The following ZNF827 variants were observed in gnomAD, a reference collection of about 807,000 sequenced individuals.
ZNF827 encodes zinc finger protein 827.
In ZNF827, 13 loss-of-function variants were observed where a neutral mutation model predicts 102.4. The observed-to-expected ratio is 0.13, with a 90% CI of 0.08 to 0.20. The LOEUF is 0.20. Among genes scored for constraint, ZNF827 ranks in the 10% least tolerant of loss-of-function variants. The probability of loss-of-function intolerance (pLI) is 1.00; values close to 1 mark genes in which losing one functional copy is unlikely to be tolerated. For missense variants in ZNF827, 1,103 were observed against 1,344.4 expected (o/e 0.82, Z 2.81); for synonymous variants, 523 against 536.2 (o/e 0.98, Z 0.34).
At chr4:145,878,833 G>A (rs141803604) in intron 4 of ZNF827, among the ~76,000 whole-genome samples, 2 of 151,940 alleles carry the variant, frequency 1.3e-5, no homozygotes, top group Admixed American at 6.6e-5. Context: ...GATGCAAGAG[G>A]TACTGGAAGA....
chr4:145,785,224 A>G (rs1171434979), intron 8 of ZNF827, among the ~76,000 whole-genome samples: 1 of 152,216 alleles, frequency 6.6e-6, no homozygotes, highest in Non-Finnish European at 1.5e-5. Flanking sequence ...ACTGAGGCCT[A>G]TCATCCATAA....
intron 4 of ZNF827, among the ~76,000 whole-genome samples, chr4:145,873,001 T>C (rs1387272138): frequency 7.0e-6 from 1 of 142,982 alleles, no homozygotes; most frequent in Non-Finnish European, 1.5e-5. Context: ...AGTGGCACAA[T>C]CTCGGCTCAC....
At chr4:145,849,719 T>C (rs1158734544) in intron 5 of ZNF827, among the ~76,000 whole-genome samples, 158 bp from the exon 6 acceptor site, 1 of 152,190 alleles carries the variant, frequency 6.6e-6, no homozygotes, top group African/African-American at 2.4e-5. Flanking sequence ...AACCATTGGC[T>C]CAATCATCTA....
intron 11 of ZNF827, among the ~76,000 whole-genome samples, chr4:145,767,405 TA>T (rs1735470377): frequency 6.6e-6 from 1 of 152,128 alleles, no homozygotes; most frequent in South Asian, 2.1e-4. Flanking sequence ...TTGGGAAGCT[TA>T]AAATAAGTTT....
chr4:145,829,360 T>A (rs999786272), intron 7 of ZNF827, among the ~76,000 whole-genome samples: 1 of 152,182 alleles, frequency 6.6e-6, no homozygotes, highest in South Asian at 2.1e-4. Context: ...CTGACTTCTA[T>A]CTGCACAGAG....
chr4:145,884,256 G>C (rs1749919536), intron 4 of ZNF827, among the ~76,000 whole-genome samples: 1 of 152,002 alleles, frequency 6.6e-6, no homozygotes, highest in Non-Finnish European at 1.5e-5. Context: ...CTTCCAACTA[G>C]TGTCTCCCAC....
At position 145,765,371 on chromosome 4, in the gene ZNF827, C is replaced by A. The variant is rs1388211000; in HGVS notation, c.3052+176G>T. Among the ~76,000 whole-genome samples the A allele has an allele frequency of 2.0e-5, 3 of 152,284 alleles. No individual in the cohort carries two copies. Among genetic ancestry groups the A allele is most frequent in the Middle Eastern group, 6.8e-3 (2 of 294 alleles). On this transcript the variant is annotated intron_variant, in intron 12 of 14. Transcript: ENST00000508784. This position sits in a 1 kb window ranked among gnomAD's most constrained non-coding sequence, Gnocchi z 4.7. ...AATGTCACCCTCCCCATCCTTCCAC[C>A]CCATACTCGGATTCAAATTAAGCCA...
intron 5 of ZNF827, among the ~76,000 whole-genome samples, chr4:145,863,241 C>T (rs528598000): frequency 9.9e-5 from 15 of 152,160 alleles, no homozygotes; most frequent in African/African-American, 2.7e-4. Context: ...AAAAGACAGA[C>T]AAAACCAAGT....
intron 1 of ZNF827, among the ~76,000 whole-genome samples, chr4:145,904,214 T>A (rs1411770362): frequency 6.6e-6 from 1 of 152,196 alleles, no homozygotes; most frequent in African/African-American, 2.4e-5. Flanking sequence ...CCAATTCTAC[T>A]TACCCTTCAA....
At chr4:145,896,520 T>C (rs750485091) in intron 2 of ZNF827, among the ~76,000 whole-genome samples, 1 of 152,138 alleles carries the variant, frequency 6.6e-6, no homozygotes, top group African/African-American at 2.4e-5. Context: ...GTACAACATA[T>C]AATTCAGTAA....
chr4:145,854,275 G>A (rs766648340), intron 5 of ZNF827, among the ~76,000 whole-genome samples: 1 of 151,882 alleles, frequency 6.6e-6, no homozygotes, highest in Non-Finnish European at 1.5e-5. Context: ...TGGCTTACAG[G>A]TGGGAAGGGA....
intron 5 of ZNF827, among the ~76,000 whole-genome samples, chr4:145,869,706 C>A (rs1266495598): frequency 6.6e-6 from 1 of 152,110 alleles, no homozygotes; most frequent in Non-Finnish European, 1.5e-5. Flanking sequence ...AAGAATGATT[C>A]ATTAATCTTA....
At position 145,760,862 on chromosome 4, in the gene ZNF827, G is replaced by C. The variant is rs1310112252; in HGVS notation, c.*754C>G. On this transcript the variant is annotated 3_prime_UTR_variant, in exon 15 of 15. Coordinates refer to ENST00000508784, the MANE Select transcript of ZNF827 (RefSeq NM_001306215.2). ...GAGGGGATGCTGGGAGGCGCAGTCT[G>C]AGGTCGGGGAGGGTGGAATGTGAGA... 35 of 1,217,434 alleles carry C rather than the reference G, an allele frequency of 2.9e-5. No individual in the cohort carries two copies. The highest frequency in any genetic ancestry group is 3.7e-5 in the Non-Finnish European group (35 of 954,700). 75.4% of individuals were successfully genotyped at this position (1,217,434 alleles called of 1,614,324 possible). A position where few individuals can be genotyped will look rare whatever the true frequency, so the allele number is the denominator to read the frequency against.
chr4:145,853,646 G>A (rs1399694351), intron 5 of ZNF827, among the ~76,000 whole-genome samples: 1 of 152,146 alleles, frequency 6.6e-6, no homozygotes, highest in Non-Finnish European at 1.5e-5. Context: ...TTCAGAGGTT[G>A]AATGGGAAGG....
At position 145,758,503 on chromosome 4, in the gene ZNF827, A is replaced by T. The variant is rs1734134173; in HGVS notation, c.*3113T>A. The T allele has an allele frequency of 6.6e-6, 1 of 152,182 alleles. No homozygotes were observed. Among genetic ancestry groups the T allele is most frequent in the Non-Finnish European group, 1.5e-5 (1 of 68,050 alleles). The allele number at this position is 152,182 out of a possible 1,614,324, so 9.4% of individuals were successfully genotyped here. A position where few individuals can be genotyped will look rare whatever the true frequency, so the allele number is the denominator to read the frequency against. ...TACTTTAGCCCTCTTTCCTGTCATC[A>T]CTGAACTTGTAGTTTTGAAAACACA... On this transcript the variant is annotated 3_prime_UTR_variant, in exon 15 of 15. Coordinates refer to ENST00000508784, the MANE Select transcript of ZNF827 (RefSeq NM_001306215.2).
intron 1 of ZNF827, among the ~76,000 whole-genome samples, chr4:145,938,028 T>C (rs1381851129): frequency 1.4e-3 from 34 of 24,678 alleles, no homozygotes; most frequent in Admixed American, 3.2e-3. Context: ...ACTACTCCCC[T>C]CCTCCCTTCT....
chr4:145,825,016 T>G (rs1183812777), intron 7 of ZNF827, among the ~76,000 whole-genome samples: 4 of 152,242 alleles, frequency 2.6e-5, no homozygotes, highest in Admixed American at 6.5e-5. Context: ...GCTTAAAAAG[T>G]GAACACTGGC....
intron 1 of ZNF827, among the ~76,000 whole-genome samples, chr4:145,937,293 G>A (rs1754260893): frequency 6.6e-6 from 1 of 151,848 alleles, no homozygotes; most frequent in Non-Finnish European, 1.5e-5. Context: ...TGGCGTGTGT[G>A]GCTGCCGCCG....
intron 7 of ZNF827, among the ~76,000 whole-genome samples, chr4:145,843,947 T>C (rs958687584): frequency 2.6e-5 from 4 of 152,214 alleles, no homozygotes; most frequent in African/African-American, 9.6e-5. Context: ...CAGGTTCCTC[T>C]GAGAGCATTC....
Sources: gnomAD v4.1 joint callset for allele counts (sites outside exome capture counted in the v4.1 genomes callset) on GRCh38, gnomAD v4.1.1 for gene constraint, Gnocchi (gnomAD v3.1) non-coding constraint, MANE v1.5 for transcripts, NCBI Gene and HGNC (gene_info 2026-07-23, HGNC 2026-07-21) for gene names.